Variants in PLPPR1 observed in about 807,000 individuals in gnomAD.
The protein encoded by PLPPR1 is phospholipid phosphatase related 1.
In PLPPR1, 10 loss-of-function variants were observed where a neutral mutation model predicts 33.1. The ratio of observed to expected loss-of-function variants is 0.30; its 90% CI spans 0.19 to 0.51. The LOEUF (loss-of-function observed/expected upper bound fraction) is 0.51, where lower values mean the gene tolerates loss of function less well. Among genes scored for constraint, PLPPR1 ranks in the 20% least tolerant of loss-of-function variants. The pLI is 0.97. For synonymous variants in PLPPR1, 151 were observed against 151.0 expected (o/e 1.00, Z 0.00); for missense variants, 304 against 408.1 (o/e 0.74, Z 2.20).
chr9:101,303,331 T>C (rs1828787781), intron 4 of PLPPR1, among the ~76,000 whole-genome samples: 1 of 151,042 alleles, frequency 6.6e-6, no homozygotes, highest in Admixed American at 6.6e-5. Context: ...GAAGGAGTTT[T>C]ACTCTTGTTG....
At chr9:101,296,176 C>G (rs997264189) in intron 4 of PLPPR1, among the ~76,000 whole-genome samples, 3 of 152,078 alleles carry the variant, frequency 2.0e-5, no homozygotes, top group East Asian at 1.9e-4. Flanking sequence ...GACATTTATG[C>G]AGCCAAAAAA....
At chr9:101,093,508 C>G (rs1830775565) in intron 1 of PLPPR1, among the ~76,000 whole-genome samples, 1 of 152,208 alleles carries the variant, frequency 6.6e-6, no homozygotes, top group South Asian at 2.1e-4. Context: ...TTCAGAATGT[C>G]AGCCTTCTGC....
chr9:101,280,790 A>G (rs1006740086), intron 3 of PLPPR1, among the ~76,000 whole-genome samples: 2 of 152,150 alleles, frequency 1.3e-5, no homozygotes, highest in Non-Finnish European at 2.9e-5. Context: ...TAAATGCCAT[A>G]TAAAACAGAC....
intron 1 of PLPPR1, among the ~76,000 whole-genome samples, chr9:101,155,899 G>C (rs181898836): frequency 6.6e-6 from 1 of 151,996 alleles, no homozygotes; most frequent in East Asian, 1.9e-4. Flanking sequence ...TGGCTGGGCC[G>C]GGGGATTAAA....
In PLPPR1 at chr9:101,125,800, C is replaced by T; in HGVS notation, c.-45-59650C>T. The T allele has an allele frequency of 3.7e-6, 3 of 806,096 alleles. No homozygotes were observed. In the South Asian group the frequency reaches 6.1e-5, roughly 16 times the overall value. 49.9% of individuals were successfully genotyped at this position (806,096 alleles called of 1,614,324 possible). The stretch of plus-strand genomic sequence containing the variant: ...GTCCAAATATAGCCCAGAACATTGT[C>T]TTAAAACTCTGTTGTGAAGGCTTCA... On this transcript the variant is annotated intron_variant, in intron 1 of 7. Coordinates refer to ENST00000374874, the MANE Select transcript of PLPPR1 (RefSeq NM_207299.2).
At chr9:101,301,785 C>T (rs1828757814) in intron 4 of PLPPR1, among the ~76,000 whole-genome samples, 1 of 152,122 alleles carries the variant, frequency 6.6e-6, no homozygotes, top group African/African-American at 2.4e-5. Context: ...AGAAAAGTGC[C>T]TTATTCAAAT....
At chr9:101,062,832 T>A (rs1275563011) in intron 1 of PLPPR1, among the ~76,000 whole-genome samples, 1 of 152,108 alleles carries the variant, frequency 6.6e-6, no homozygotes, top group Non-Finnish European at 1.5e-5. Flanking sequence ...GGCTTGTGTT[T>A]GGAAATATGG....
At chr9:101,210,087 T>C (rs1395485552) in intron 2 of PLPPR1, among the ~76,000 whole-genome samples, 1 of 152,256 alleles carries the variant, frequency 6.6e-6, no homozygotes, top group African/African-American at 2.4e-5. Flanking sequence ...CATTTTTTTA[T>C]GTCCTGATAA....
chr9:101,067,233 C>CAA (rs11436092), intron 1 of PLPPR1, among the ~76,000 whole-genome samples: 3,024 of 148,448 alleles, frequency 0.02, 60 homozygotes, highest in East Asian at 0.079. Flanking sequence ...TACAAGTCAC[C>CAA]AAAAAAAAAA....
At chr9:101,250,645 T>A in intron 2 of PLPPR1, among the ~76,000 whole-genome samples, 1 of 152,052 alleles carries the variant, frequency 6.6e-6, no homozygotes, top group Admixed American at 6.6e-5. Context: ...TTGGAAACTC[T>A]TACCATCAAT....
intron 2 of PLPPR1, among the ~76,000 whole-genome samples, chr9:101,234,864 A>G (rs1197861435): frequency 6.6e-5 from 10 of 152,086 alleles, no homozygotes; most frequent in Admixed American, 6.6e-4. Flanking sequence ...ATTGATGTGT[A>G]TCTGTGTTTA....
intron 2 of PLPPR1, among the ~76,000 whole-genome samples, chr9:101,218,229 G>A (rs1394903570): frequency 6.6e-6 from 1 of 152,098 alleles, no homozygotes; most frequent in Non-Finnish European, 1.5e-5. Context: ...ATATGAGATA[G>A]CATCTTGGAA....
chr9:101,192,594 T>C (rs1254537831), intron 2 of PLPPR1, among the ~76,000 whole-genome samples: 1 of 152,002 alleles, frequency 6.6e-6, no homozygotes, highest in Admixed American at 6.6e-5. Context: ...TTATAAATGT[T>C]AACATGAAAA....
chr9:101,190,580 A>T (rs1826280420), intron 2 of PLPPR1, among the ~76,000 whole-genome samples: 1 of 152,060 alleles, frequency 6.6e-6, no homozygotes, highest in East Asian at 1.9e-4. Context: ...TATTTGTGGC[A>T]GTTGGTGGGG....
At chr9:101,197,165 C>A (rs573377787) in intron 2 of PLPPR1, among the ~76,000 whole-genome samples, 28 of 152,296 alleles carry the variant, frequency 1.8e-4, no homozygotes, top group African/African-American at 6.7e-4. Context: ...GAACTAGCCA[C>A]CTTTTTCTTT....
At chr9:101,164,405 C>G (rs968412709) in intron 1 of PLPPR1, among the ~76,000 whole-genome samples, 1 of 147,486 alleles carries the variant, frequency 6.8e-6, no homozygotes, top group Non-Finnish European at 1.5e-5. Flanking sequence ...CTCTGTCGCT[C>G]AGGCTGGAGT....
At chr9:101,139,681 A>G (rs1306339828) in intron 1 of PLPPR1, among the ~76,000 whole-genome samples, 1 of 152,182 alleles carries the variant, frequency 6.6e-6, no homozygotes, top group Non-Finnish European at 1.5e-5. Flanking sequence ...TTTTACTTCC[A>G]GGTAAGCATG....
chr9:101,131,350 A>G (rs1415258249), intron 1 of PLPPR1, among the ~76,000 whole-genome samples: 1 of 152,198 alleles, frequency 6.6e-6, no homozygotes, highest in Non-Finnish European at 1.5e-5. Flanking sequence ...TAGCTAAAGC[A>G]GTATTTTTGT....
chr9:101,163,751 T>G (rs1825803253), intron 1 of PLPPR1, among the ~76,000 whole-genome samples: 1 of 152,136 alleles, frequency 6.6e-6, no homozygotes, highest in Admixed American at 6.6e-5. Context: ...AAAGTTTATT[T>G]ATAGATAGTG....
Sources: allele counts gnomAD v4.1 joint callset (sites outside exome capture counted in the v4.1 genomes callset), GRCh38; gene constraint gnomAD v4.1.1; transcripts MANE v1.5; gene names NCBI Gene and HGNC (gene_info 2026-07-23, HGNC 2026-07-21).